MAP4: variants seen among roughly 807,000 people sequenced by gnomAD.
MAP4 encodes the protein microtubule-associated protein 4.
MAP4 carries 76 observed loss-of-function variants against 170.2 expected under a neutral mutation model. The ratio of observed to expected loss-of-function variants is 0.45; its 90% CI spans 0.37 to 0.54. The LOEUF (loss-of-function observed/expected upper bound fraction) is 0.54, where lower values mean the gene tolerates loss of function less well. Ranked by LOEUF, MAP4 falls within the 20% of genes least tolerant of loss-of-function variation. MAP4 has a pLI of 0.00. For missense variants in MAP4, 2,506 were observed against 2,748.0 expected (o/e 0.91, Z 1.97); for synonymous variants, 909 against 994.5 (o/e 0.91, Z 1.62).
rs566112836 is a variant in MAP4 at position 47,868,698 on chromosome 3, T to C, written c.6408+516A>G. ...CATACCTATACTAAGTGGGTTTCCA[T>C]TGGGAATGAGCATCCTAACTTTCAG... On this transcript the variant is annotated intron_variant, in intron 16 of 20. Coordinates refer to ENST00000683076, the MANE Select transcript of MAP4 (RefSeq NM_001385682.1). 9.2e-5 allele frequency among the ~76,000 whole-genome samples: 14 copies of C among 152,292 alleles called. No individual in the cohort carries two copies. The East Asian group carries it at 1.7e-3, about 19-fold the overall frequency.
intron 1 of MAP4, among the ~76,000 whole-genome samples, chr3:48,061,390 T>C (rs947396961): frequency 3.3e-5 from 5 of 152,174 alleles, no homozygotes; most frequent in African/African-American, 9.6e-5. Flanking sequence ...AGACGGGGTT[T>C]CGCCTGTTGG....
Position 47,871,045 on chromosome 3 carries a change from C to A in MAP4, c.6062G>T (p.Ser2021Ile), listed in dbSNP as rs113095483. 2.2e-5 allele frequency: 36 copies of A among 1,613,258 alleles called. No individual in the cohort carries two copies. The African/African-American group carries it at 4.1e-4, about 19-fold the overall frequency. Residue 2021 changes from serine to isoleucine, a missense_variant, in exon 15 of 21, where the codon AGT becomes ATT. Ser to Ile is a moderately radical substitution (Grantham distance 142). Around this residue, in one of 3 missense-constraint regions of MAP4, gnomAD observed 487 missense variants for 511.6 expected, o/e 0.95. Transcript: ENST00000683076. ...CACCCCTGCAGCGGGGGCTGTCCCA[C>A]TGAGAGTGGTGGTTTTCTTCATGGA... Reference protein sequence around the residue: ...TSSMKKTTTLSGTAPAAGVVP... With the variant: ...TSSMKKTTTLIGTAPAAGVVP...
At chr3:48,061,834 G>A (rs188868241) in intron 1 of MAP4, among the ~76,000 whole-genome samples, 1 of 96,420 alleles carries the variant, frequency 1.0e-5, no homozygotes, top group Non-Finnish European at 2.3e-5. Context: ...ATCCGGGAGG[G>A]AGGTGGGGGG....
In MAP4 at chr3:47,915,983, T is replaced by G. The variant is rs2100038587; in HGVS notation, c.1844A>C (p.Gln615Pro). 6.2e-7 allele frequency: 1 copy of G among 1,613,668 alleles called. No homozygotes were observed. The highest frequency in any genetic ancestry group is 1.3e-5 in the African/African-American group (1 of 74,950). Residue 615 changes from glutamine to proline, a missense_variant, in exon 7 of 21, where the codon CAG becomes CCG. Physicochemically the swap from Gln to Pro is moderately conservative, Grantham distance 76. Coordinates refer to ENST00000683076, the MANE Select transcript of MAP4 (RefSeq NM_001385682.1). ...SHLESLQDVG[Q>P]SAAPTFMISP... ...AATCATGAAAGTAGGTGCAGCTGAC[T>G]GCCCCACATCCTGCAGAGATTCTAA... is the stretch of plus-strand genomic sequence containing the variant.
chr3:48,002,258 G>GA (rs11434317), intron 1 of MAP4, among the ~76,000 whole-genome samples: 6,539 of 138,114 alleles, frequency 0.047, 486 homozygotes, highest in African/African-American at 0.15. Flanking sequence ...AAAAAAAAAA[G>GA]AAAAAAAAAA....
At chr3:48,056,730 C>T (rs1479823894) in intron 1 of MAP4, among the ~76,000 whole-genome samples, 59 of 85,462 alleles carry the variant, frequency 6.9e-4, no homozygotes, top group Non-Finnish European at 8.4e-4. Flanking sequence ...TCTGCCCGGC[C>T]GCCCCTACTG....
At chr3:47,987,631 T>C (rs2154329464) in intron 2 of MAP4, among the ~76,000 whole-genome samples, 1 of 152,228 alleles carries the variant, frequency 6.6e-6, no homozygotes, top group East Asian at 1.9e-4. Flanking sequence ...GGTAACTAAA[T>C]GTGAACATAT....
intron 1 of MAP4, among the ~76,000 whole-genome samples, chr3:48,054,230 G>A (rs932976352): frequency 2.6e-5 from 4 of 151,910 alleles, no homozygotes; most frequent in East Asian, 1.9e-4. Context: ...CCCAGGAGGC[G>A]GAGATCGCAG....
chr3:47,891,442 A>G (rs2100023879), intron 10 of MAP4: 2 of 1,531,564 alleles, frequency 1.3e-6, no homozygotes, highest in Non-Finnish European at 1.7e-6. Context: ...TCATAGCAGG[A>G]GCTCCCAGTT....
At chr3:48,001,908 C>T (rs2100099368) in intron 1 of MAP4, among the ~76,000 whole-genome samples, 1 of 151,502 alleles carries the variant, frequency 6.6e-6, no homozygotes, top group Non-Finnish European at 1.5e-5. Flanking sequence ...CAGAGTTTCA[C>T]TCTTGTTGCC....
chr3:47,998,751 A>T lies in MAP4; in HGVS notation c.110T>A (p.Val37Asp), dbSNP rs200121432. The change falls in exon 2 of 21, where the codon GTT (valine) becomes GAT (aspartate). Residue 37 changes from valine (V) to aspartate (D), a missense_variant. Transcript: ENST00000683076. ...TGTTTTTCCAACAGTTTCTCCCACA[A>T]CATCATCAAAGGCCTCTGCCTCTAG... ...ATLEAEAFDD[V>D]VGETVGKTDY... The T allele has an allele frequency of 4.0e-5, 65 of 1,613,970 alleles. 1 individual carries two copies. The highest frequency in any genetic ancestry group is 1.6e-4 in the Middle Eastern group (1 of 6,062).
chr3:47,978,731 CCTT>C (rs1166835443), intron 2 of MAP4, among the ~76,000 whole-genome samples: 1 of 150,358 alleles, frequency 6.7e-6, no homozygotes, highest in Admixed American at 6.6e-5. Flanking sequence ...GCAGAGGACT[CCTT>C]TTTTTTTTTC....
At chr3:48,051,675 T>A (rs1313572268) in intron 1 of MAP4, among the ~76,000 whole-genome samples, 1 of 152,192 alleles carries the variant, frequency 6.6e-6, no homozygotes, top group Non-Finnish European at 1.5e-5. Context: ...TAGTTCAAAC[T>A]ACCACCACAT....
At chr3:47,921,695 G>C in intron 5 of MAP4, 70 bp downstream of exon 5, 1 of 821,142 alleles carries the variant, frequency 1.2e-6, no homozygotes, top group East Asian at 2.5e-5. Context: ...CCTAGTCAGT[G>C]AACCAAAGAT....
intron 17 of MAP4, among the ~76,000 whole-genome samples, chr3:47,863,921 G>GGTGT (rs747894391): frequency 4.5e-5 from 5 of 110,874 alleles, no homozygotes; most frequent in African/African-American, 9.1e-5. Flanking sequence ...TGTGGGTGTG[G>GGTGT]GTGTGTGTGT....
chr3:48,076,923 G>A (rs1243702754), intron 1 of MAP4, among the ~76,000 whole-genome samples: 5 of 151,994 alleles, frequency 3.3e-5, no homozygotes, highest in Admixed American at 2.0e-4. Flanking sequence ...GGCCAAGCAA[G>A]AGGATTGCTT....
At chr3:48,058,032 CAATA>C (rs908225662) in intron 1 of MAP4, among the ~76,000 whole-genome samples, 9 of 152,134 alleles carry the variant, frequency 5.9e-5, no homozygotes, top group East Asian at 1.9e-4. Flanking sequence ...ACATATTAGA[CAATA>C]AATATTTATT....
At chr3:48,048,506 CTTTTTTTTTTTTTTT>C (rs67709674) in intron 1 of MAP4, among the ~76,000 whole-genome samples, 3 of 66,964 alleles carry the variant, frequency 4.5e-5, no homozygotes, top group African/African-American at 2.1e-4. Flanking sequence ...TCTCAATTAT[CTTTTTTTTTTTTTTT>C]TTTTTTTTTT....
chr3:47,854,330 C>T (rs1488866913), intron 19 of MAP4, among the ~76,000 whole-genome samples: 5 of 152,124 alleles, frequency 3.3e-5, no homozygotes, highest in Non-Finnish European at 7.3e-5. Flanking sequence ...GAGCCTGTGG[C>T]AGCAAGGACC....
Sources: allele counts gnomAD v4.1 joint callset (sites outside exome capture counted in the v4.1 genomes callset), GRCh38; gene constraint gnomAD v4.1.1; regional missense constraint gnomAD v4.1.1; transcripts MANE v1.5; gene names NCBI Gene and HGNC (gene_info 2026-07-23, HGNC 2026-07-21).